Variants in SLC28A2 observed in about 807,000 individuals in gnomAD.
The protein encoded by SLC28A2 is solute carrier family 28 member 2.
A neutral mutation model predicts 72.9 loss-of-function variants in SLC28A2; 69 were observed. The observed-to-expected ratio is 0.95, with a 90% CI of 0.78 to 1.16. The LOEUF is 1.16. SLC28A2 is among the 50% of genes most tolerant of loss of function. The pLI is 0.00. For synonymous variants in SLC28A2, 296 were observed against 294.1 expected (o/e 1.01, Z -0.07); for missense variants, 745 against 791.1 (o/e 0.94, Z 0.70).
At chr15:45,259,122 T>C (rs1262658458) in intron 3 of SLC28A2, among the ~76,000 whole-genome samples, 1 of 152,190 alleles carries the variant, frequency 6.6e-6, no homozygotes, top group Admixed American at 6.5e-5. Flanking sequence ...AGGTCTTTAA[T>C]TGGCAGTGTT....
At position 45,270,273 on chromosome 15, in the gene SLC28A2, T is replaced by A. The variant is rs1029977178; in HGVS notation, c.1645T>A (p.Leu549Met). 1 of 1,607,022 alleles carries A rather than the reference T, an allele frequency of 6.2e-7. No homozygotes were observed. Among genetic ancestry groups the A allele is most frequent in the Admixed American group, 1.7e-5 (1 of 59,992 alleles). The change falls in exon 15 of 18, where the codon TTG becomes ATG. Residue 549 changes from leucine (L) to methionine (M), a missense_variant. Transcript: ENST00000347644. ...LSSIGITLGGLTSIVPHRKSD... is the reference protein window; with the variant it reads ...LSSIGITLGGMTSIVPHRKSD... ...TTCCATAGGAATCACACTTGGAGGC[T>A]TGAGTGAGTTCATCCATTTTCCCAG...
intron 3 of SLC28A2, among the ~76,000 whole-genome samples, chr15:45,256,478 G>C (rs1210366623): frequency 1.3e-5 from 2 of 151,918 alleles, no homozygotes; most frequent in Non-Finnish European, 1.5e-5. Context: ...GCAGTGGTGT[G>C]ATCACTGCAA....
At chr15:45,264,454 T>A (rs1271839841) in intron 6 of SLC28A2, among the ~76,000 whole-genome samples, 4 of 152,250 alleles carry the variant, frequency 2.6e-5, no homozygotes, top group African/African-American at 7.2e-5. Flanking sequence ...ACACATTTTT[T>A]AAAAACCTTA....
At position 45,262,052 on chromosome 15, in the gene SLC28A2, T is replaced by G; in HGVS notation, c.208T>G (p.Cys70Gly). 6.2e-7 allele frequency: 1 copy of G among 1,613,766 alleles called. No individual in the cohort carries two copies. The highest frequency in any genetic ancestry group is 8.5e-7 in the Non-Finnish European group (1 of 1,179,692). Residue 70 changes from cysteine to glycine, a missense_variant, in exon 4 of 18, where the codon TGC (cysteine) becomes GGC (glycine). By Grantham distance (159) the Cys-to-Gly change is radical. Transcript: ENST00000347644. ...RWPFSKARSF[C>G]KTHASLFKKI... ...GCCTTTCAGCAAAGCAAGAAGTTTCTGCAAAACACACGCCAGCTTGTTCAA... is the reference window on the plus strand; with the variant it reads ...GCCTTTCAGCAAAGCAAGAAGTTTCGGCAAAACACACGCCAGCTTGTTCAA...
intron 3 of SLC28A2, among the ~76,000 whole-genome samples, chr15:45,258,443 G>T (rs1184902298): frequency 6.6e-6 from 1 of 151,948 alleles, no homozygotes; most frequent in Non-Finnish European, 1.5e-5. Context: ...ACCAGATGAA[G>T]AACCAAAACA....
chr15:45,253,405 T>G (rs1193204000), intron 2 of SLC28A2, 27 bp from the exon 3 acceptor site: 5 of 1,598,318 alleles, frequency 3.1e-6, no homozygotes, highest in Non-Finnish European at 4.3e-6. Context: ...GCTCCATGAC[T>G]GATCCCAATG....
chr15:45,269,396 A>ACTGT lies in SLC28A2; in HGVS notation c.1429_1432dup (p.Pro478LeufsTer6). Reference sequence around the variant, plus strand: ...TTCATGATGGGTGTAGAGTGGACAGACTGTCCAATGGTGGCTGAGATGGTG... The same window carrying ACTGT: ...TTCATGATGGGTGTAGAGTGGACAGACTGTCTGTCCAATGGTGGCTGAGATGGTG... On this transcript the variant is annotated frameshift_variant, in exon 14 of 18. Coordinates refer to ENST00000347644, the MANE Select transcript of SLC28A2 (RefSeq NM_004212.4). LOFTEE classifies it high-confidence loss of function. 5 of 1,613,640 alleles carry ACTGT rather than the reference A, an allele frequency of 3.1e-6. 1 individual carries two copies. The highest frequency in any genetic ancestry group is 3.3e-4 in the Middle Eastern group (2 of 6,062).
chr15:45,258,787 A>T (rs146473260), intron 3 of SLC28A2, among the ~76,000 whole-genome samples: 1 of 152,306 alleles, frequency 6.6e-6, no homozygotes, highest in Non-Finnish European at 1.5e-5. Context: ...TTTTGCTATC[A>T]TAGTGCAGCT....
chr15:45,267,630 A>T (rs749791909), intron 11 of SLC28A2, 36 bp from the exon 12 acceptor site: 1 of 1,614,014 alleles, frequency 6.2e-7, no homozygotes, highest in African/African-American at 1.3e-5. Context: ...GTTGGGTTTG[A>T]TAGAAACACT....
intron 5 of SLC28A2, 89 bp from the exon 6 acceptor site, chr15:45,263,792 G>T: frequency 7.4e-7 from 1 of 1,347,332 alleles, no homozygotes. Flanking sequence ...TCACAGGCCA[G>T]GAGTGAGAGA....
Position 45,264,020 on chromosome 15 carries a change from GC to G in SLC28A2, c.587del (p.Ala196GlufsTer11). The G allele has an allele frequency of 6.2e-7, 1 of 1,609,572 alleles. No individual in the cohort carries two copies. Among genetic ancestry groups the G allele is most frequent in the Non-Finnish European group, 8.5e-7 (1 of 1,177,808 alleles). On this transcript the variant is annotated frameshift_variant and splice_region_variant, in exon 6 of 18. Coordinates refer to ENST00000347644, the MANE Select transcript of SLC28A2 (RefSeq NM_004212.4). LOFTEE classifies it high-confidence loss of function. The part of the protein sequence containing the change: ...ILFACSKHHS[A>X]VSWRTVFSGL... ...CTTTGCCTGCTCCAAACACCACAGC[GC>G]AGTGAGTTTTGGGTATTTGGGTTGG...
rs1900303680 is a variant in SLC28A2, at chr15:45,265,507, A to G, written c.781-76A>G. ...CTGTATGAGATACCCTTGGAATGCT[A>G]AGAGCTTAACTTAGAAGCCTAAAAC... On this transcript the variant is annotated intron_variant, in intron 8 of 17. Transcript: ENST00000347644. 2.9e-6 allele frequency: 3 copies of G among 1,018,064 alleles called. No individual in the cohort carries two copies. In the African/African-American group the frequency reaches 4.7e-5, roughly 16 times the overall value. The allele number at this position is 1,018,064 out of a possible 1,614,324, so 63.1% of individuals were successfully genotyped here.
At chr15:45,265,858 G>C (rs1262322977) in intron 9 of SLC28A2, among the ~76,000 whole-genome samples, 195 bp downstream of exon 9, 1 of 152,168 alleles carries the variant, frequency 6.6e-6, no homozygotes, top group African/African-American at 2.4e-5. Flanking sequence ...AAGATGAGCT[G>C]GACTGCCTTT....
chr15:45,264,949 GCCTGCC>G (rs1377011383), intron 7 of SLC28A2, 134 bp from the exon 8 acceptor site: 6 of 763,170 alleles, frequency 7.9e-6, no homozygotes, highest in Non-Finnish European at 1.4e-5. Flanking sequence ...TGGGGACATA[GCCTGCC>G]CCTGGGCTGT....
In SLC28A2 at chr15:45,268,082, AC is replaced by A. The variant is rs542686341; in HGVS notation, c.1200-124del. ...TTTCCACTAATAGGGTCACTGAGGA[AC>A]CCCTGTCACCTTCTACATTGGCCTT... On this transcript the variant is annotated intron_variant, in intron 12 of 17. Transcript: ENST00000347644. The A allele has an allele frequency of 2.2e-4, 186 of 863,156 alleles. 1 individual carries two copies. The South Asian group carries it at 2.2e-3, about 10-fold the overall frequency. 53.5% of individuals were successfully genotyped at this position (863,156 alleles called of 1,614,324 possible).
At chr15:45,262,490 A>T (rs1900192780) in intron 4 of SLC28A2, among the ~76,000 whole-genome samples, 1 of 152,180 alleles carries the variant, frequency 6.6e-6, no homozygotes, top group Non-Finnish European at 1.5e-5. Context: ...AATATTCTTA[A>T]AAGACAGCAG....
intron 13 of SLC28A2, 108 bp from the exon 14 acceptor site, chr15:45,269,230 G>T (rs1900458647): frequency 1.2e-6 from 1 of 828,076 alleles, no homozygotes; most frequent in Non-Finnish European, 2.0e-6. Flanking sequence ...GAGAGAGCAT[G>T]AATAGAAGGG....
intron 16 of SLC28A2, 54 bp downstream of exon 16, chr15:45,272,447 G>C: frequency 7.3e-7 from 1 of 1,367,182 alleles, no homozygotes; most frequent in Non-Finnish European, 1.0e-6. Flanking sequence ...ATGGTTGGAG[G>C]AATAATATGA....
At chr15:45,270,372 A>G in intron 15 of SLC28A2, 96 bp downstream of exon 15, 1 of 860,764 alleles carries the variant, frequency 1.2e-6, no homozygotes. Flanking sequence ...CTGGGATCAG[A>G]TAGAGAAGCC....
Sources: gnomAD v4.1 joint callset for allele counts (sites outside exome capture counted in the v4.1 genomes callset) on GRCh38, gnomAD v4.1.1 for gene constraint, MANE v1.5 for transcripts, NCBI Gene and HGNC (gene_info 2026-07-23, HGNC 2026-07-21) for gene names.